Variants in SH3RF1 observed in about 807,000 individuals in gnomAD.
SH3RF1 encodes the protein E3 ubiquitin-protein ligase SH3RF1.
SH3RF1 carries 32 observed loss-of-function variants against 74.0 expected under a neutral mutation model. The observed-to-expected ratio is 0.43, with a 90% CI of 0.33 to 0.58. SH3RF1 has a LOEUF of 0.58. Among genes scored for constraint, SH3RF1 ranks in the 20% least tolerant of loss-of-function variants. SH3RF1 has a pLI of 0.05. For synonymous variants in SH3RF1, 396 were observed against 439.6 expected, an observed-to-expected ratio of 0.90 and a Z score of 1.24; for missense variants, 954 against 1,130.9, an observed-to-expected ratio of 0.84 and a Z score of 2.24.
intron 4 of SH3RF1, among the ~76,000 whole-genome samples, chr4:169,141,752 C>T (rs1343952062): frequency 6.6e-6 from 1 of 151,488 alleles, no homozygotes; most frequent in African/African-American, 2.4e-5. Context: ...ATTCTCCTGC[C>T]TCAGCCTCCT....
chr4:169,266,129 CA>C (rs1731350822), intron 2 of SH3RF1, among the ~76,000 whole-genome samples: 1 of 152,186 alleles, frequency 6.6e-6, no homozygotes, highest in Non-Finnish European at 1.5e-5. Flanking sequence ...TTTTCTCCTT[CA>C]AATTAGGCAG....
In SH3RF1 at chr4:169,116,645, G is replaced by A. The variant is rs1270778451; in HGVS notation, c.1778-15C>T. On this transcript the variant is annotated splice_polypyrimidine_tract_variant and intron_variant, in intron 9 of 11. Coordinates refer to ENST00000284637, the MANE Select transcript of SH3RF1 (RefSeq NM_020870.4). ...GTGCGCTGCAACTAGTAGATGGGAA[G>A]AGGGAACACAGCAAAATTCAACTAT... 1 of 1,518,456 alleles carries A rather than the reference G, an allele frequency of 6.6e-7. No homozygotes were observed. Among genetic ancestry groups the A allele is most frequent in the Non-Finnish European group, 8.8e-7 (1 of 1,131,192 alleles). The allele number at this position is 1,518,456 out of a possible 1,614,324, so 94.1% of individuals were successfully genotyped here.
At chr4:169,112,601 T>A (rs953975086) in intron 10 of SH3RF1, among the ~76,000 whole-genome samples, 1 of 152,166 alleles carries the variant, frequency 6.6e-6, no homozygotes, top group Non-Finnish European at 1.5e-5. Flanking sequence ...CATAGAGGCA[T>A]CTAAAGGTAC....
At chr4:169,198,755 T>C (rs934256029) in intron 2 of SH3RF1, among the ~76,000 whole-genome samples, 2 of 152,092 alleles carry the variant, frequency 1.3e-5, no homozygotes, top group Non-Finnish European at 2.9e-5. Context: ...GAGAAGACTT[T>C]ACAAGAGAAA....
intron 4 of SH3RF1, among the ~76,000 whole-genome samples, chr4:169,151,256 A>C (rs1220570253): frequency 6.6e-6 from 1 of 152,208 alleles, no homozygotes; most frequent in East Asian, 1.9e-4. Context: ...TAGTAACTAC[A>C]TCAACAAATA....
chr4:169,270,501 C>G (rs550692802), intron 1 of SH3RF1, among the ~76,000 whole-genome samples: 1 of 152,364 alleles, frequency 6.6e-6, no homozygotes, highest in South Asian at 2.1e-4. Context: ...AATGCGCAGG[C>G]TTAAGTTGCG....
At chr4:169,251,471 T>C (rs900360443) in intron 2 of SH3RF1, among the ~76,000 whole-genome samples, 1 of 152,198 alleles carries the variant, frequency 6.6e-6, no homozygotes, top group South Asian at 2.1e-4. Flanking sequence ...ATGAAAGTCA[T>C]GTAAGACTGA....
chr4:169,185,484 T>A (rs547503692), intron 2 of SH3RF1, among the ~76,000 whole-genome samples: 123 of 152,230 alleles, frequency 8.1e-4, no homozygotes, highest in African/African-American at 2.8e-3. Flanking sequence ...ACAGGGAGCA[T>A]TATTCTTTTC....
intron 2 of SH3RF1, among the ~76,000 whole-genome samples, chr4:169,176,550 G>GT (rs1009650672): frequency 4.6e-5 from 7 of 151,744 alleles, no homozygotes; most frequent in South Asian, 2.1e-4. Flanking sequence ...GTTTTGTTTG[G>GT]TTTTTTTTGA....
rs369248651 is a variant in SH3RF1 at position 169,116,482 on chromosome 4, C to T, written c.1926G>A (p.Thr642=). The part of the protein sequence containing the change: ...QPAPLMPGSA[T]HTAAISISRA... ...GACTGATACTGATGGCAGCAGTGTGCGTGGCTGAGCCTGGCATCAGAGGCG... is the reference window on the plus strand; with the variant it reads ...GACTGATACTGATGGCAGCAGTGTGTGTGGCTGAGCCTGGCATCAGAGGCG... Residue 642 remains threonine (T), a synonymous_variant, in exon 10 of 12, where the codon ACG becomes ACA. Transcript: ENST00000284637. 44 of 1,613,506 alleles carry T rather than the reference C, an allele frequency of 2.7e-5. No homozygotes were observed. Among genetic ancestry groups the T allele is most frequent in the South Asian group, 1.2e-4 (11 of 90,956 alleles).
intron 6 of SH3RF1, among the ~76,000 whole-genome samples, chr4:169,122,697 T>C (rs1055543280): frequency 1.3e-5 from 2 of 152,232 alleles, no homozygotes; most frequent in Non-Finnish European, 2.9e-5. Context: ...ACACACAATG[T>C]AGCTGTACTA....
At chr4:169,198,252 A>T (rs17054834) in intron 2 of SH3RF1, among the ~76,000 whole-genome samples, 7,945 of 152,264 alleles carry the variant, frequency 0.052, 699 homozygotes, top group African/African-American at 0.18. Flanking sequence ...TAAACCACAA[A>T]TGAAGGCCTA....
chr4:169,215,963 C>G (rs1481185717), intron 2 of SH3RF1, among the ~76,000 whole-genome samples: 1 of 152,008 alleles, frequency 6.6e-6, no homozygotes, highest in Non-Finnish European at 1.5e-5. Context: ...ACCACCATGC[C>G]TGGTTAATTT....
At chr4:169,235,853 G>A (rs1341568777) in intron 2 of SH3RF1, among the ~76,000 whole-genome samples, 1 of 152,042 alleles carries the variant, frequency 6.6e-6, no homozygotes, top group African/African-American at 2.4e-5. Flanking sequence ...GCTACTTTTT[G>A]TGTTTTTAGA....
chr4:169,103,086 ATTTTTTTTTTTTT>A (rs60740517), intron 11 of SH3RF1, among the ~76,000 whole-genome samples: 2 of 87,072 alleles, frequency 2.3e-5, no homozygotes, highest in African/African-American at 4.5e-5. Flanking sequence ...GCGCCTGGCT[ATTTTTTTTTTTTT>A]TTTTTTTTTT....
At chr4:169,103,344 T>C (rs1733074557) in intron 11 of SH3RF1, among the ~76,000 whole-genome samples, 1 of 152,240 alleles carries the variant, frequency 6.6e-6, no homozygotes, top group South Asian at 2.1e-4. Flanking sequence ...GTCCCAATAA[T>C]ATAAATTGAA....
intron 2 of SH3RF1, among the ~76,000 whole-genome samples, chr4:169,190,777 A>AACT (rs1734690860): frequency 1.3e-5 from 2 of 152,304 alleles, no homozygotes; most frequent in Middle Eastern, 3.4e-3. Flanking sequence ...CAAAAAAGAA[A>AACT]ACTACAGACC....
At chr4:169,247,455 G>A (rs1246006940) in intron 2 of SH3RF1, among the ~76,000 whole-genome samples, 3 of 152,278 alleles carry the variant, frequency 2.0e-5, no homozygotes, top group Non-Finnish European at 2.9e-5. Flanking sequence ...CTGGTAACAC[G>A]AGGCACGTAT....
intron 2 of SH3RF1, among the ~76,000 whole-genome samples, chr4:169,243,846 C>T (rs1057256789): frequency 6.6e-6 from 1 of 152,176 alleles, no homozygotes; most frequent in Non-Finnish European, 1.5e-5. Context: ...TCTAGAAATT[C>T]CCTCCTGACT....
Sources: allele counts gnomAD v4.1 joint callset (sites outside exome capture counted in the v4.1 genomes callset), GRCh38; gene constraint gnomAD v4.1.1; transcripts MANE v1.5; gene names NCBI Gene and HGNC (gene_info 2026-07-23, HGNC 2026-07-21).